Variants in WIZ observed in about 807,000 individuals in gnomAD.
WIZ encodes the protein WIZ zinc finger.
Under a neutral mutation model 140.2 loss-of-function variants are expected in WIZ, and 25 were observed. The observed-to-expected ratio is 0.18, with a 90% CI of 0.13 to 0.25. The LOEUF (loss-of-function observed/expected upper bound fraction) is 0.25, where lower values mean the gene tolerates loss of function less well. Ranked by LOEUF, WIZ falls within the 10% of genes least tolerant of loss-of-function variation. The pLI is 1.00. For missense variants in WIZ, 2,231 were observed against 2,632.6 expected (o/e 0.85, Z 3.34); for synonymous variants, 1,125 against 1,154.3 (o/e 0.97, Z 0.51).
intron 2 of WIZ, among the ~76,000 whole-genome samples, chr19:15,443,030 T>C (rs1969798513): frequency 6.6e-6 from 1 of 152,222 alleles, no homozygotes; most frequent in African/African-American, 2.4e-5. Flanking sequence ...AGCCTCACCC[T>C]GGTAAAAACT....
intron 5 of WIZ, among the ~76,000 whole-genome samples, chr19:15,435,243 CA>C (rs1268861320): frequency 6.6e-6 from 1 of 151,886 alleles, no homozygotes; most frequent in East Asian, 1.9e-4. Flanking sequence ...CAAAAAAAAA[CA>C]GAAACACAGC....
chr19:15,433,448 C>T (rs1485981189), intron 5 of WIZ: 2 of 706,744 alleles, frequency 2.8e-6, no homozygotes, highest in African/African-American at 3.9e-5. Context: ...AGACCTAGCC[C>T]TAATGTTGCA....
chr19:15,429,459 G>C lies in WIZ; in HGVS notation c.3415+127C>G, dbSNP rs1035928053. 3.6e-6 allele frequency: 4 copies of C among 1,100,436 alleles called. No homozygotes were observed. In the East Asian group the frequency reaches 1.3e-4, roughly 34 times the overall value. 68.2% of individuals were successfully genotyped at this position (1,100,436 alleles called of 1,614,324 possible). A position where few individuals can be genotyped will look rare whatever the true frequency, so the allele number is the denominator to read the frequency against. On this transcript the variant is annotated intron_variant, in intron 7 of 12. Transcript: ENST00000673675. ...CCAATACTCTGGCCTGGCTGGCCCAGGACATGGGAGCTGTAGTCCCCACCG... is the reference window on the plus strand; with the variant it reads ...CCAATACTCTGGCCTGGCTGGCCCACGACATGGGAGCTGTAGTCCCCACCG...
In WIZ at chr19:15,422,155, G is replaced by A. The variant is rs1568280579; in HGVS notation, c.*921C>T. The A allele has an allele frequency of 6.6e-6, 1 of 152,212 alleles. No individual in the cohort carries two copies. The highest frequency in any genetic ancestry group is 2.1e-4 in the South Asian group (1 of 4,832). The allele number at this position is 152,212 out of a possible 1,614,324, so 9.4% of individuals were successfully genotyped here. ...TTCTAGGTACATCGATAACCAAAAT[G>A]TGGCCACTGAAAAAAGTTAAAAGGT... On this transcript the variant is annotated 3_prime_UTR_variant, in exon 13 of 13. Coordinates refer to ENST00000673675, the MANE Select transcript of WIZ (RefSeq NM_001371589.1).
At chr19:15,429,476 T>C (rs1969078799) in intron 7 of WIZ, 110 bp downstream of exon 7, 2 of 1,070,920 alleles carry the variant, frequency 1.9e-6, no homozygotes, top group Admixed American at 3.8e-5. Context: ...GGAGCTGTAG[T>C]CCCCACCGCC....
intron 3 of WIZ, among the ~76,000 whole-genome samples, chr19:15,441,142 C>T (rs1283976961): frequency 6.6e-6 from 1 of 152,200 alleles, no homozygotes; most frequent in Non-Finnish European, 1.5e-5. Flanking sequence ...TTTAGTTTCA[C>T]CTCTCCCCCA....
intron 5 of WIZ, among the ~76,000 whole-genome samples, chr19:15,435,299 A>C (rs1389194740): frequency 6.6e-6 from 1 of 152,074 alleles, no homozygotes; most frequent in African/African-American, 2.4e-5. Context: ...ATGAGATTTA[A>C]CACGTTAAAA....
rs1968328279 is a variant in WIZ at position 15,420,497 on chromosome 19, C to T, written c.*2579G>A. The T allele has an allele frequency of 6.6e-6, 1 of 152,244 alleles. No homozygotes were observed. The highest frequency in any genetic ancestry group is 2.4e-5 in the African/African-American group (1 of 41,454). The allele number at this position is 152,244 out of a possible 1,614,324, so 9.4% of individuals were successfully genotyped here. Reference sequence around the variant, plus strand: ...AGGGCCCCAGGACACGTCTTCTGCGCCCTGCAGGTTCGTTCCTTCATCGCA... The same window carrying T: ...AGGGCCCCAGGACACGTCTTCTGCGTCCTGCAGGTTCGTTCCTTCATCGCA... On this transcript the variant is annotated 3_prime_UTR_variant, in exon 13 of 13. Transcript: ENST00000673675.
In WIZ at chr19:15,424,492, G is replaced by A; in HGVS notation, c.5315-114C>T. 6.6e-7 allele frequency: 1 copy of A among 1,525,774 alleles called. No individual in the cohort carries two copies. Among genetic ancestry groups the A allele is most frequent in the Non-Finnish European group, 8.8e-7 (1 of 1,132,432 alleles). 94.5% of individuals were successfully genotyped at this position (1,525,774 alleles called of 1,614,324 possible). On this transcript the variant is annotated intron_variant, in intron 11 of 12. Coordinates refer to ENST00000673675, the MANE Select transcript of WIZ (RefSeq NM_001371589.1). This position sits in a 1 kb window ranked among gnomAD's most constrained non-coding sequence, Gnocchi z 9.7. Reference sequence around the variant, plus strand: ...TGGATGGGTGGGATGGGGGATGGATGGGTGAATGGGTAAGCAACTGGAGAA... The same window carrying A: ...TGGATGGGTGGGATGGGGGATGGATAGGTGAATGGGTAAGCAACTGGAGAA...
At chr19:15,432,424 G>A in intron 5 of WIZ, 1 of 982,828 alleles carries the variant, frequency 1.0e-6, no homozygotes, top group Non-Finnish European at 1.2e-6. Flanking sequence ...TCCCAAGCGC[G>A]GGCTCTTACC....
rs780307160 is a variant in WIZ, at chr19:15,439,568, C to T, written c.1426G>A (p.Glu476Lys). ...CVFCGFPAPS[E>K]SLLREHVRLV... ...CTCACGTGCTCCCTGAGCAGGCTCT[C>T]GCTGGGCGCGGGGAAACCACAGAAG... Residue 476 changes from glutamate (E) to lysine (K), a missense_variant, in exon 4 of 13, where the codon GAG becomes AAG. This residue lies in a region of WIZ where 475 missense variants were observed against 520.2 expected (regional missense o/e 0.91). Coordinates refer to ENST00000673675, the MANE Select transcript of WIZ (RefSeq NM_001371589.1). The surrounding 1 kb of genome is among the most constrained non-coding windows in gnomAD (Gnocchi z 7.0). 11 of 1,494,800 alleles carry T rather than the reference C, an allele frequency of 7.4e-6. No individual in the cohort carries two copies. Among genetic ancestry groups the T allele is most frequent in the South Asian group, 3.7e-5 (3 of 80,218 alleles). The allele number at this position is 1,494,800 out of a possible 1,614,324, so 92.6% of individuals were successfully genotyped here. A position where few individuals can be genotyped will look rare whatever the true frequency, so the allele number is the denominator to read the frequency against.
rs1295216912 is a variant in WIZ at position 15,425,397 on chromosome 19, C to G, written c.4738G>C (p.Ala1580Pro). The change falls in exon 10 of 13, where the codon GCC becomes CCC. Residue 1580 changes from alanine (A) to proline (P), a missense_variant. Physicochemically the swap from Ala to Pro is conservative, Grantham distance 27 (BLOSUM62 -1). Transcript: ENST00000673675. ...RELSLTPITGAKPSATGYLGS... is the reference protein window; with the variant it reads ...RELSLTPITGPKPSATGYLGS... Reference sequence around the variant, plus strand: ...AGGTAGCCAGTGGCTGAGGGCTTGGCCCCAGTGATGGGCGTCAGGCTGAGC... The same window carrying G: ...AGGTAGCCAGTGGCTGAGGGCTTGGGCCCAGTGATGGGCGTCAGGCTGAGC... 18 of 1,557,218 alleles carry G rather than the reference C, an allele frequency of 1.2e-5. No individual in the cohort carries two copies. The Admixed American group carries it at 3.5e-4, about 30-fold the overall frequency.
intron 9 of WIZ, 71 bp downstream of exon 9, chr19:15,426,911 T>C: frequency 6.6e-7 from 1 of 1,521,378 alleles, no homozygotes; most frequent in Admixed American, 2.0e-5. Context: ...GCACTCTGGA[T>C]ACCCCCAAGG....
chr19:15,440,529 G>A lies in WIZ; in HGVS notation c.465C>T (p.His155=), dbSNP rs907725573. 58 of 1,536,170 alleles carry A rather than the reference G, an allele frequency of 3.8e-5. No homozygotes were observed. Among genetic ancestry groups the A allele is most frequent in the Middle Eastern group, 3.3e-4 (2 of 5,990 alleles). The change falls in exon 4 of 13, where the codon CAC becomes CAT. Residue 155 remains histidine (H), a synonymous_variant. Transcript: ENST00000673675. The surrounding 1 kb of genome is among the most constrained non-coding windows in gnomAD (Gnocchi z 6.2). ...DSVIVRTMKP[H]AELEGSRRFL... is the part of the protein sequence containing the mutation. ...ACCTTCTAGAGCCCTCTAGCTCAGC[G>A]TGGGGTTTCATGGTTCTCACAATGA... is the stretch of plus-strand genomic sequence containing the variant.
intron 5 of WIZ, among the ~76,000 whole-genome samples, chr19:15,433,940 C>G (rs1239756032): frequency 6.6e-6 from 1 of 152,154 alleles, no homozygotes; most frequent in Non-Finnish European, 1.5e-5. Flanking sequence ...TAGGTAGGAC[C>G]CCAGCAGCTG....
chr19:15,441,987 G>A (rs1256664816), intron 3 of WIZ, among the ~76,000 whole-genome samples: 1 of 152,026 alleles, frequency 6.6e-6, no homozygotes, highest in Non-Finnish European at 1.5e-5. Flanking sequence ...AGGAGTTCTC[G>A]ACCAGCCTGA....
chr19:15,435,720 C>T (rs969755130), intron 5 of WIZ, among the ~76,000 whole-genome samples: 1 of 152,050 alleles, frequency 6.6e-6, no homozygotes, highest in Admixed American at 6.6e-5. Context: ...GTAATCCCAG[C>T]TACTCAGCAG....
Position 15,439,114 on chromosome 19 carries a change from A to G in WIZ, c.1880T>C (p.Val627Ala). ...GGAAAAATCCATCTCGGAGGTCAGC[A>G]CTACATCCTCCTCCTCCTCCTCCTC... ...EEEEEEEEDV[V>A]LTSEMDFSPE... Residue 627 changes from valine to alanine, a missense_variant, in exon 4 of 13, where the codon GTG (valine) becomes GCG (alanine). Val to Ala is a moderately conservative substitution (Grantham distance 64). Coordinates refer to ENST00000673675, the MANE Select transcript of WIZ (RefSeq NM_001371589.1). The surrounding 1 kb of genome is among the most constrained non-coding windows in gnomAD (Gnocchi z 7.0). The G allele has an allele frequency of 6.6e-7, 1 of 1,508,940 alleles. No individual in the cohort carries two copies. The highest frequency in any genetic ancestry group is 8.8e-7 in the Non-Finnish European group (1 of 1,131,946). The allele number at this position is 1,508,940 out of a possible 1,614,324, so 93.5% of individuals were successfully genotyped here.
intron 2 of WIZ, among the ~76,000 whole-genome samples, chr19:15,447,873 C>G (rs1568317420): frequency 6.6e-6 from 1 of 152,190 alleles, no homozygotes; most frequent in Non-Finnish European, 1.5e-5. Flanking sequence ...GAGTTCAAGT[C>G]CCAGCTCCAT....
Sources: allele counts gnomAD v4.1 joint callset (sites outside exome capture counted in the v4.1 genomes callset), GRCh38; gene constraint gnomAD v4.1.1; regional missense constraint gnomAD v4.1.1; non-coding constraint Gnocchi (gnomAD v3.1); transcripts MANE v1.5; gene names NCBI Gene and HGNC (gene_info 2026-07-23, HGNC 2026-07-21).